Variants in AGBL4 observed in about 807,000 individuals in gnomAD.
The protein encoded by AGBL4 is cytosolic carboxypeptidase 6.
A neutral mutation model predicts 66.4 loss-of-function variants in AGBL4; 58 were observed. The observed-to-expected ratio is 0.87, with a 90% CI of 0.71 to 1.09. The LOEUF is 1.09. Among genes scored for constraint, AGBL4 ranks in the 50% least tolerant of loss-of-function variants. The pLI is 0.00. For missense variants in AGBL4, 579 were observed against 631.0 expected (o/e 0.92, Z 0.88); for synonymous variants, 234 against 222.9 (o/e 1.05, Z -0.44).
chr1:49,790,451 T>C (rs1644570499), intron 2 of AGBL4, among the ~76,000 whole-genome samples: 1 of 151,450 alleles, frequency 6.6e-6, no homozygotes, highest in Admixed American at 6.6e-5. Context: ...CAGATCATAC[T>C]TGAAGTACTT....
At chr1:49,510,631 T>C (rs966546909) in intron 3 of AGBL4, among the ~76,000 whole-genome samples, 1 of 151,366 alleles carries the variant, frequency 6.6e-6, no homozygotes, top group Non-Finnish European at 1.5e-5. Flanking sequence ...CCATTGCTTT[T>C]GGTGTTTTGG....
chr1:49,949,571 A>C (rs996861535), intron 1 of AGBL4, among the ~76,000 whole-genome samples: 1 of 151,990 alleles, frequency 6.6e-6, no homozygotes, highest in South Asian at 2.1e-4. Flanking sequence ...TTATCAAAAG[A>C]AGATATACAA....
chr1:48,901,360 C>A (rs1363277506), intron 5 of AGBL4, among the ~76,000 whole-genome samples: 1 of 152,106 alleles, frequency 6.6e-6, no homozygotes, highest in Non-Finnish European at 1.5e-5. Flanking sequence ...ACATTCCACT[C>A]CTGGGTATTT....
intron 5 of AGBL4, among the ~76,000 whole-genome samples, chr1:49,015,271 C>T (rs908611302): frequency 2.0e-5 from 3 of 151,868 alleles, no homozygotes; most frequent in East Asian, 3.9e-4. Context: ...CTCATCTTTC[C>T]GCTATCTAAA....
intron 6 of AGBL4, among the ~76,000 whole-genome samples, chr1:48,798,990 A>T (rs1645752200): frequency 6.6e-6 from 1 of 152,040 alleles, no homozygotes. Flanking sequence ...TCTTGCTTTG[A>T]CTACGCAGGC....
intron 3 of AGBL4, among the ~76,000 whole-genome samples, chr1:49,430,798 C>T (rs551115875): frequency 4.6e-5 from 7 of 152,318 alleles, no homozygotes; most frequent in African/African-American, 1.7e-4. Flanking sequence ...CTTCCCATTG[C>T]TAGCCATAGC....
At chr1:49,288,585 C>G (rs1392228794) in intron 3 of AGBL4, among the ~76,000 whole-genome samples, 1 of 152,106 alleles carries the variant, frequency 6.6e-6, no homozygotes, top group African/African-American at 2.4e-5. Flanking sequence ...TGCTCATATA[C>G]ATGGTGAAAT....
chr1:48,764,813 C>T (rs185433024), intron 6 of AGBL4, among the ~76,000 whole-genome samples: 1 of 152,168 alleles, frequency 6.6e-6, no homozygotes, highest in Non-Finnish European at 1.5e-5. Context: ...TCCTTGAAAA[C>T]AATAGAGCCC....
intron 2 of AGBL4, among the ~76,000 whole-genome samples, chr1:49,796,998 A>G (rs934852353): frequency 6.6e-6 from 1 of 152,160 alleles, no homozygotes; most frequent in African/African-American, 2.4e-5. Context: ...ATAATAAAAT[A>G]TCTAAATATT....
chr1:48,698,259 T>A (rs534285095), intron 6 of AGBL4, among the ~76,000 whole-genome samples: 3 of 151,928 alleles, frequency 2.0e-5, no homozygotes, highest in African/African-American at 4.8e-5. Context: ...CAGGGAAGCA[T>A]AGAGAAGCAG....
intron 6 of AGBL4, among the ~76,000 whole-genome samples, chr1:48,693,974 C>G (rs141303695): frequency 6.6e-6 from 1 of 150,778 alleles, no homozygotes; most frequent in African/African-American, 2.4e-5. Flanking sequence ...CAACCCCAGT[C>G]TCTGGACCCA....
intron 2 of AGBL4, among the ~76,000 whole-genome samples, chr1:49,825,377 C>T (rs892986335): frequency 4.6e-5 from 7 of 152,242 alleles, no homozygotes; most frequent in Middle Eastern, 3.4e-3. Flanking sequence ...CAAGTGCCTA[C>T]TATGTAATAG....
chr1:48,985,730 G>A (rs573950439), intron 5 of AGBL4, among the ~76,000 whole-genome samples: 1 of 151,468 alleles, frequency 6.6e-6, no homozygotes, highest in Non-Finnish European at 1.5e-5. Flanking sequence ...CACTGAACAG[G>A]GTAAAATTCA....
chr1:49,700,864 T>C (rs756748206), intron 2 of AGBL4, among the ~76,000 whole-genome samples: 2 of 151,928 alleles, frequency 1.3e-5, no homozygotes, highest in Admixed American at 6.6e-5. Flanking sequence ...TGCTTCTGTT[T>C]TAAAGAGGTA....
chr1:48,811,796 G>C (rs887393095), intron 6 of AGBL4, among the ~76,000 whole-genome samples: 1 of 152,120 alleles, frequency 6.6e-6, no homozygotes, highest in Non-Finnish European at 1.5e-5. Flanking sequence ...AACAGATAGG[G>C]TATGTACGGA....
At chr1:49,299,058 CATA>C (rs1644696407) in intron 3 of AGBL4, among the ~76,000 whole-genome samples, 1 of 151,662 alleles carries the variant, frequency 6.6e-6, no homozygotes, top group African/African-American at 2.4e-5. Context: ...TGTAACACGC[CATA>C]ATAAGTGCTT....
chr1:49,366,310 A>G (rs1421685035), intron 3 of AGBL4, among the ~76,000 whole-genome samples: 2 of 152,206 alleles, frequency 1.3e-5, no homozygotes, highest in Non-Finnish European at 2.9e-5. Flanking sequence ...GAATGAATGA[A>G]TGAATAATTG....
At chr1:48,664,826 C>A (rs10158785) in intron 6 of AGBL4, among the ~76,000 whole-genome samples, 12,556 of 152,032 alleles carry the variant, frequency 0.083, 1,701 homozygotes, top group African/African-American at 0.28. Context: ...AGTGGGCAGA[C>A]GAAGGGCTGA....
chr1:49,285,023 C>T (rs1481995196), intron 3 of AGBL4, among the ~76,000 whole-genome samples: 2 of 151,544 alleles, frequency 1.3e-5, no homozygotes, highest in African/African-American at 4.9e-5. Context: ...CCAAGCGGAC[C>T]TAATAGACAT....
Sources: allele counts gnomAD v4.1 joint callset (sites outside exome capture counted in the v4.1 genomes callset), GRCh38; gene constraint gnomAD v4.1.1; transcripts MANE v1.5; gene names NCBI Gene and HGNC (gene_info 2026-07-23, HGNC 2026-07-21).